Variants in UNKL observed in about 807,000 individuals in gnomAD.
UNKL encodes the protein putative E3 ubiquitin-protein ligase UNKL.
A neutral mutation model predicts 78.0 loss-of-function variants in UNKL; 60 were observed. The observed-to-expected ratio is 0.77, with a 90% CI of 0.63 to 0.95. The LOEUF (loss-of-function observed/expected upper bound fraction) is 0.95. Ranked by LOEUF, UNKL falls within the 40% of genes least tolerant of loss-of-function variation. UNKL has a pLI of 0.00. For synonymous variants in UNKL, 608 were observed against 474.8 expected, an observed-to-expected ratio of 1.28 and a Z score of -3.65; for missense variants, 1,159 against 1,045.7, an observed-to-expected ratio of 1.11 and a Z score of -1.49.
In UNKL at chr16:1,382,505, G is replaced by C. The variant is rs111737316; in HGVS notation, c.1264+2703C>G. On this transcript the variant is annotated intron_variant, in intron 10 of 14. Coordinates refer to ENST00000389221, the MANE Select transcript of UNKL (RefSeq NM_001372107.1). ...ACCACTGGGCGCTGGGTCCATCCAGGATTCCCACTCTCCCCATGGCCTCCT... is the reference window on the plus strand; with the variant it reads ...ACCACTGGGCGCTGGGTCCATCCAGCATTCCCACTCTCCCCATGGCCTCCT... 1.7e-3 allele frequency among the ~76,000 whole-genome samples: 259 copies of C among 152,282 alleles called. 3 individuals are homozygous for C. Among genetic ancestry groups the C allele is most frequent in the African/African-American group, 5.3e-3 (222 of 41,562 alleles).
intron 10 of UNKL, among the ~76,000 whole-genome samples, chr16:1,384,684 G>A (rs956076459): frequency 7.3e-5 from 11 of 151,702 alleles, no homozygotes; most frequent in African/African-American, 2.7e-4. Flanking sequence ...CTGCAGCCTC[G>A]ACCTCCTGGG....
At position 1,403,859 on chromosome 16, in the gene UNKL, G is replaced by A. The variant is rs928205491; in HGVS notation, c.288-515C>T. Among the ~76,000 whole-genome samples the A allele has an allele frequency of 7.9e-5, 12 of 152,128 alleles. No homozygotes were observed. Among genetic ancestry groups the A allele is most frequent in the African/African-American group, 2.4e-4 (10 of 41,424 alleles). ...GCCCTGGACGCGGCTTGGGGGACAC[G>A]AGGGGGATGGGCAGAAGAGGCGGCA... On this transcript the variant is annotated intron_variant, in intron 2 of 14. Coordinates refer to ENST00000389221, the MANE Select transcript of UNKL (RefSeq NM_001372107.1). This position sits in a 1 kb window ranked among gnomAD's most constrained non-coding sequence, Gnocchi z 4.8.
intron 9 of UNKL, 28 bp from the exon 10 acceptor site, chr16:1,385,413 G>A (rs756840853): frequency 1.4e-5 from 18 of 1,316,806 alleles, no homozygotes; most frequent in South Asian, 4.0e-5. Context: ...CACCGTGAGC[G>A]CGCACCCCCT....
chr16:1,367,482 GGCCCTCCC>G (rs1567196520), intron 13 of UNKL, 133 bp from the exon 14 acceptor site: 5 of 1,030,102 alleles, frequency 4.9e-6, no homozygotes, highest in Non-Finnish European at 6.3e-6. Flanking sequence ...AGACCCCTGC[GGCCCTCCC>G]TCCCTCCCTC....
Position 1,398,702 on chromosome 16 carries a change from GTGC to G in UNKL, c.734+669_734+671del, listed in dbSNP as rs2037384300. 1.0e-5 allele frequency: 9 copies of G among 899,800 alleles called. No homozygotes were observed. In the South Asian group the frequency reaches 1.9e-4, roughly 19 times the overall value. The allele number at this position is 899,800 out of a possible 1,614,324, so 55.7% of individuals were successfully genotyped here. On this transcript the variant is annotated intron_variant, in intron 5 of 14. Transcript: ENST00000389221. ...CTGCACCCCCCCACCCCCCTCTCAG[GTGC>G]AAACTGCAGACAGGAGGCAAGCCAG...
chr16:1,378,851 G>C (rs1343366556), intron 10 of UNKL: 2 of 152,272 alleles, frequency 1.3e-5, no homozygotes, highest in Admixed American at 6.5e-5. Flanking sequence ...GAAATCAAGG[G>C]GGGAGACGGC....
intron 2 of UNKL, among the ~76,000 whole-genome samples, chr16:1,406,827 G>A (rs2037785351): frequency 6.6e-6 from 1 of 152,032 alleles, no homozygotes; most frequent in African/African-American, 2.4e-5. Flanking sequence ...TATTGCAAGA[G>A]GATCTTTTAA....
intron 9 of UNKL, among the ~76,000 whole-genome samples, chr16:1,389,682 G>A (rs1198212228): frequency 6.6e-6 from 1 of 152,232 alleles, no homozygotes; most frequent in Non-Finnish European, 1.5e-5. Flanking sequence ...GGATGCCCAC[G>A]CACAGAGGGG....
At position 1,364,965 on chromosome 16, in the gene UNKL, T is replaced by C. The variant is rs979431879; in HGVS notation, c.*1275A>G. On this transcript the variant is annotated 3_prime_UTR_variant, in exon 15 of 15. Transcript: ENST00000389221. ...CAAGGAGCTACAAAGCACCATTGCC[T>C]AGGACAGCTCTGAGTAATCAGAAAA... The C allele has an allele frequency of 1.3e-5, 2 of 151,022 alleles. No homozygotes were observed. The highest frequency in any genetic ancestry group is 4.9e-5 in the African/African-American group (2 of 41,024). The allele number at this position is 151,022 out of a possible 1,614,324, so 9.4% of individuals were successfully genotyped here. A position where few individuals can be genotyped will look rare whatever the true frequency, so the allele number is the denominator to read the frequency against.
intron 2 of UNKL, chr16:1,405,865 C>T (rs1351129415): frequency 2.2e-6 from 1 of 449,320 alleles, no homozygotes; most frequent in East Asian, 7.0e-5. Context: ...CAGCCAGATC[C>T]TGGAGTGCAA....
intron 10 of UNKL, among the ~76,000 whole-genome samples, chr16:1,372,536 C>T (rs1462115609): frequency 2.6e-5 from 4 of 152,134 alleles, no homozygotes; most frequent in African/African-American, 9.7e-5. Context: ...AGCAGGGACC[C>T]CACTGCCCCT....
chr16:1,414,135 G>A (rs2038172706), intron 1 of UNKL, 80 bp from the exon 2 acceptor site: 5 of 1,356,750 alleles, frequency 3.7e-6, no homozygotes, highest in South Asian at 1.4e-5. Flanking sequence ...GGACCCACCG[G>A]CCTCAGGAGC....
chr16:1,385,567 A>C (rs1280378013), intron 9 of UNKL, 182 bp from the exon 10 acceptor site: 1 of 514,846 alleles, frequency 1.9e-6, no homozygotes, highest in Non-Finnish European at 3.0e-6. Flanking sequence ...CCAGGACGGC[A>C]GGGCAGCGGG....
chr16:1,366,902 C>CCCAGGGGGAAAGGCGGCTT (rs1340530002), intron 14 of UNKL, among the ~76,000 whole-genome samples, 190 bp downstream of exon 14: 3 of 151,656 alleles, frequency 2.0e-5, no homozygotes, highest in African/African-American at 7.3e-5. Flanking sequence ...AAAGGCGGCT[C>CCCAGGGGGAAAGGCGGCTT]CCAGGGAGAC....
chr16:1,413,704 G>C (rs1317023285), intron 2 of UNKL, 142 bp downstream of exon 2: 1 of 964,720 alleles, frequency 1.0e-6, no homozygotes, highest in Non-Finnish European at 1.5e-6. Flanking sequence ...CTGGTCACTA[G>C]AAAATTTCAG....
chr16:1,386,274 C>T (rs1011480960), intron 9 of UNKL, among the ~76,000 whole-genome samples: 3 of 151,840 alleles, frequency 2.0e-5, no homozygotes, highest in Non-Finnish European at 2.9e-5. Flanking sequence ...TAGCCAAGGC[C>T]GGGCGCGGTG....
chr16:1,370,171 G>C lies in UNKL; in HGVS notation c.1544C>G (p.Pro515Arg), dbSNP rs1222762421. The change falls in exon 12 of 15, where the codon CCG becomes CGG. Residue 515 changes from proline (P) to arginine (R), a missense_variant. By Grantham distance (103) the Pro-to-Arg change is moderately radical. Transcript: ENST00000389221. ...PQQPPPLRSEPGTLGSAASSY... is the reference protein window; with the variant it reads ...PQQPPPLRSERGTLGSAASSY... ...TGAGGCTGCAGAGCCCAGTGTGCCC[G>C]GCTCTGAACGCAGGGGTGGCGGCTG... is the stretch of plus-strand genomic sequence containing the variant. 5 of 1,514,474 alleles carry C rather than the reference G, an allele frequency of 3.3e-6. No homozygotes were observed. Among genetic ancestry groups the C allele is most frequent in the Non-Finnish European group, 4.4e-6 (5 of 1,126,440 alleles). The allele number at this position is 1,514,474 out of a possible 1,614,324, so 93.8% of individuals were successfully genotyped here. A position where few individuals can be genotyped will look rare whatever the true frequency, so the allele number is the denominator to read the frequency against.
rs770671011 is a variant in UNKL at position 1,399,903 on chromosome 16, T to G, written c.599-394A>C. 6.6e-6 allele frequency among the ~76,000 whole-genome samples: 1 copy of G among 151,798 alleles called. No homozygotes were observed. The highest frequency in any genetic ancestry group is 1.5e-5 in the Non-Finnish European group (1 of 67,982). On this transcript the variant is annotated intron_variant, in intron 4 of 14. Transcript: ENST00000389221. The surrounding 1 kb of genome is among the most constrained non-coding windows in gnomAD (Gnocchi z 5.8). The stretch of plus-strand genomic sequence containing the variant: ...GAGAATATGCTAAAATCCAGAGACA[T>G]GCACACCCCGAAATGCCGCATGGTG...
At chr16:1,393,728 T>C (rs2037145186) in intron 7 of UNKL, among the ~76,000 whole-genome samples, 1 of 152,168 alleles carries the variant, frequency 6.6e-6, no homozygotes, top group Non-Finnish European at 1.5e-5. Context: ...GTGGTGCTCC[T>C]GGGTGGGTGC....
Sources: gnomAD v4.1 joint callset for allele counts (sites outside exome capture counted in the v4.1 genomes callset) on GRCh38, gnomAD v4.1.1 for gene constraint, Gnocchi (gnomAD v3.1) non-coding constraint, MANE v1.5 for transcripts, NCBI Gene and HGNC (gene_info 2026-07-23, HGNC 2026-07-21) for gene names.